Variants in TLN2 observed in about 807,000 individuals in gnomAD.
The protein encoded by TLN2 is talin-2.
Under a neutral mutation model 294.7 loss-of-function variants are expected in TLN2, and 118 were observed. The observed-to-expected ratio is 0.40, with a 90% confidence interval of 0.34 to 0.47. The LOEUF is 0.47. Among genes scored for constraint, TLN2 ranks in the 20% least tolerant of loss-of-function variants. TLN2 has a pLI of 0.84. For synonymous variants in TLN2, 1,431 were observed against 1,304.5 expected, an observed-to-expected ratio of 1.10 and a Z score of -2.09; for missense variants, 3,083 against 3,282.2, an observed-to-expected ratio of 0.94 and a Z score of 1.48.
In TLN2 at chr15:62,722,433, G is replaced by C; in HGVS notation, c.3072G>C (p.Gln1024His). The C allele has an allele frequency of 1.2e-6, 2 of 1,613,320 alleles. No individual in the cohort carries two copies. Among genetic ancestry groups the C allele is most frequent in the Non-Finnish European group, 1.7e-6 (2 of 1,179,804 alleles). The change falls in exon 26 of 59, where the codon CAG (glutamine) becomes CAC (histidine). Residue 1024 changes from glutamine (Q) to histidine (H), a missense_variant. By Grantham distance (24) the Gln-to-His change is conservative. Transcript: ENST00000636159. ...SDQAAAMQLS[Q>H]CAKNLATSLA... ...AGGCCGCAGCCATGCAGCTGAGCCAGTGTGCCAAGAACCTGGCCACCAGCT... is the reference window on the plus strand; with the variant it reads ...AGGCCGCAGCCATGCAGCTGAGCCACTGTGCCAAGAACCTGGCCACCAGCT...
chr15:62,766,710 G>A (rs188461419), intron 41 of TLN2, among the ~76,000 whole-genome samples: 1 of 149,492 alleles, frequency 6.7e-6, no homozygotes, highest in African/African-American at 2.4e-5. Flanking sequence ...CGTTGCAATC[G>A]ACCTTTGCTG....
At position 62,529,561 on chromosome 15, in the gene TLN2, T is replaced by TAA. The variant is rs11312497; in HGVS notation, c.-237-60110_-237-60109dup. 3.8e-3 allele frequency among the ~76,000 whole-genome samples: 517 copies of TAA among 135,162 alleles called. 1 individual carries two copies. The highest frequency in any genetic ancestry group is 7.6e-3 in the Middle Eastern group (2 of 262). The allele number at this position is 135,162 out of a possible 152,430, so 88.7% of individuals were successfully genotyped here. A position where few individuals can be genotyped will look rare whatever the true frequency, so the allele number is the denominator to read the frequency against. On this transcript the variant is annotated intron_variant, in intron 1 of 58. Coordinates refer to ENST00000636159, the MANE Select transcript of TLN2 (RefSeq NM_015059.3). Reference sequence around the variant, plus strand: ...ATTTTTTTTCTCTTACTTAAAAGCTTAAAAAAAAAAAAAAAAAGGACAGTA... The same window carrying TAA: ...ATTTTTTTTCTCTTACTTAAAAGCTTAAAAAAAAAAAAAAAAAAAGGACAGTA...
intron 1 of TLN2, among the ~76,000 whole-genome samples, chr15:62,496,562 C>A (rs1268334290): frequency 6.6e-6 from 1 of 152,172 alleles, no homozygotes; most frequent in African/African-American, 2.4e-5. Flanking sequence ...TGCCCAGATT[C>A]TACCAGGCTT....
intron 13 of TLN2, among the ~76,000 whole-genome samples, chr15:62,693,646 T>C (rs1316986272): frequency 1.3e-5 from 2 of 151,858 alleles, no homozygotes; most frequent in Non-Finnish European, 1.5e-5. Context: ...TATGCCATAG[T>C]GGTATATAGA....
chr15:62,601,520 GTAGGCAGGCTACA>G (rs2047005119), intron 2 of TLN2, among the ~76,000 whole-genome samples: 1 of 152,164 alleles, frequency 6.6e-6, no homozygotes, highest in Non-Finnish European at 1.5e-5. Context: ...AAGAATACAC[GTAGGCAGGCTACA>G]TATTTTCATT....
intron 3 of TLN2, among the ~76,000 whole-genome samples, 126 bp downstream of exon 3, chr15:62,618,601 C>A (rs2048505111): frequency 6.6e-6 from 1 of 152,220 alleles, no homozygotes; most frequent in Admixed American, 6.5e-5. Context: ...GCCTGCGTCT[C>A]TGTCCATCCC....
chr15:62,708,441 C>T, intron 20 of TLN2, 61 bp from the exon 21 acceptor site: 1 of 1,557,790 alleles, frequency 6.4e-7, no homozygotes, highest in Non-Finnish European at 8.8e-7. Context: ...ACTGCGGGGG[C>T]ACATGGAGAG....
At chr15:62,550,847 C>T (rs930335097) in intron 1 of TLN2, among the ~76,000 whole-genome samples, 1 of 152,116 alleles carries the variant, frequency 6.6e-6, no homozygotes, top group Non-Finnish European at 1.5e-5. Flanking sequence ...CAATTTTTTC[C>T]TGGACCAGGG....
chr15:62,469,314 G>A (rs1040433183), intron 1 of TLN2, among the ~76,000 whole-genome samples: 1 of 152,206 alleles, frequency 6.6e-6, no homozygotes, highest in East Asian at 1.9e-4. Context: ...TTGTAGACCA[G>A]ATAGCACACA....
chr15:62,686,053 A>T (rs578017660), intron 11 of TLN2, among the ~76,000 whole-genome samples: 1 of 152,278 alleles, frequency 6.6e-6, no homozygotes, highest in East Asian at 1.9e-4. Flanking sequence ...GGGTTCCATT[A>T]TTTTAATAGA....
intron 1 of TLN2, among the ~76,000 whole-genome samples, chr15:62,493,116 G>A (rs892411835): frequency 2.0e-5 from 3 of 152,184 alleles, no homozygotes; most frequent in Admixed American, 2.0e-4. Flanking sequence ...CAGATGAAGG[G>A]CGTAAATCAT....
chr15:62,781,038 C>G (rs2064120726), intron 43 of TLN2, 102 bp from the exon 44 acceptor site: 1 of 829,882 alleles, frequency 1.2e-6, no homozygotes, highest in East Asian at 2.6e-5. Context: ...GAAAGAATCT[C>G]TGAGGCCCTC....
chr15:62,473,897 C>T (rs1595887683), intron 1 of TLN2, among the ~76,000 whole-genome samples: 1 of 152,192 alleles, frequency 6.6e-6, no homozygotes, highest in Non-Finnish European at 1.5e-5. Context: ...AGTTCGAGAC[C>T]AGCCTGGCCA....
At chr15:62,816,233 T>C (rs2067105568) in intron 52 of TLN2, among the ~76,000 whole-genome samples, 1 of 152,234 alleles carries the variant, frequency 6.6e-6, no homozygotes, top group African/African-American at 2.4e-5. Context: ...GTTTTAGAGA[T>C]GTCCATTTGA....
At chr15:62,475,235 G>T (rs997615539) in intron 1 of TLN2, among the ~76,000 whole-genome samples, 6 of 152,124 alleles carry the variant, frequency 3.9e-5, no homozygotes, top group African/African-American at 1.4e-4. Flanking sequence ...TTCAAGTTAA[G>T]AAAATAAACT....
chr15:62,404,453 TC>T (rs1270509984), intron 1 of TLN2, among the ~76,000 whole-genome samples: 2 of 152,182 alleles, frequency 1.3e-5, no homozygotes, highest in East Asian at 3.9e-4. Context: ...GGGAGATGTC[TC>T]CTTCTTCTCC....
At chr15:62,707,722 A>G (rs1017224963) in intron 20 of TLN2, among the ~76,000 whole-genome samples, 2 of 152,184 alleles carry the variant, frequency 1.3e-5, no homozygotes, top group African/African-American at 4.8e-5. Context: ...GTAATCCTGC[A>G]AATTAAGCAC....
At chr15:62,676,733 C>T (rs543528895) in intron 11 of TLN2, among the ~76,000 whole-genome samples, 1 of 152,204 alleles carries the variant, frequency 6.6e-6, no homozygotes, top group East Asian at 1.9e-4. Flanking sequence ...TCCTGCCTCA[C>T]CCTCCCAAGT....
Position 62,414,592 on chromosome 15 carries a change from G to C in TLN2, c.-238+23907G>C, listed in dbSNP as rs2033974334. Among the ~76,000 whole-genome samples, 8 of 141,246 alleles carry C rather than the reference G, an allele frequency of 5.7e-5. 1 individual carries two copies. The highest frequency in any genetic ancestry group is 2.5e-5 in the African/African-American group (1 of 39,508). The allele number at this position is 141,246 out of a possible 152,430, so 92.7% of individuals were successfully genotyped here. ...AGTTCTCAGGGGTGTTCTGCACACAGAGGTTTGAGAACCGCTGTCATACAG... is the reference window on the plus strand; with the variant it reads ...AGTTCTCAGGGGTGTTCTGCACACACAGGTTTGAGAACCGCTGTCATACAG... On this transcript the variant is annotated intron_variant, in intron 1 of 58. Transcript: ENST00000636159.
Sources: gnomAD v4.1 joint callset for allele counts (sites outside exome capture counted in the v4.1 genomes callset) on GRCh38, gnomAD v4.1.1 for gene constraint, MANE v1.5 for transcripts, NCBI Gene and HGNC (gene_info 2026-07-23, HGNC 2026-07-21) for gene names.